NKAIN2: variants seen among roughly 807,000 people sequenced by gnomAD.
NKAIN2 encodes sodium/potassium-transporting ATPase subunit beta-1-interacting protein 2.
Under a neutral mutation model 32.6 loss-of-function variants are expected in NKAIN2, and 14 were observed. That is an observed-to-expected ratio of 0.43 (90% CI 0.28 to 0.67). The LOEUF (loss-of-function observed/expected upper bound fraction) is 0.67. Ranked by LOEUF, NKAIN2 falls within the 30% of genes least tolerant of loss-of-function variation. The pLI is 0.17. For missense variants in NKAIN2, 198 were observed against 258.3 expected (o/e 0.77, Z 1.60); for synonymous variants, 80 against 87.2 (o/e 0.92, Z 0.46).
At chr6:124,365,929 T>G (rs1199176997) in intron 3 of NKAIN2, among the ~76,000 whole-genome samples, 2 of 151,702 alleles carry the variant, frequency 1.3e-5, no homozygotes, top group Non-Finnish European at 2.9e-5. Flanking sequence ...TATTCTGAAC[T>G]CAATAAAAAT....
chr6:124,005,472 T>G (rs1252938108), intron 1 of NKAIN2, among the ~76,000 whole-genome samples: 1 of 152,160 alleles, frequency 6.6e-6, no homozygotes, highest in Non-Finnish European at 1.5e-5. Flanking sequence ...TATATATGTA[T>G]GCCATATGCC....
intron 1 of NKAIN2, among the ~76,000 whole-genome samples, chr6:124,204,985 C>CAA (rs5879719): frequency 2.0e-5 from 3 of 148,252 alleles, no homozygotes; most frequent in African/African-American, 5.0e-5. Flanking sequence ...TAAAAAAAAG[C>CAA]AAAAAAAAAA....
intron 1 of NKAIN2, among the ~76,000 whole-genome samples, chr6:123,866,588 GCC>G (rs1772528478): frequency 6.6e-6 from 1 of 152,024 alleles, no homozygotes; most frequent in Non-Finnish European, 1.5e-5. Flanking sequence ...CCGCCACCAA[GCC>G]CGGCCAATTT....
At chr6:124,782,501 G>A (rs1779316312) in intron 4 of NKAIN2, among the ~76,000 whole-genome samples, 1 of 152,118 alleles carries the variant, frequency 6.6e-6, no homozygotes. Context: ...TCTCTACAGA[G>A]AAATCTGGCC....
At chr6:124,397,120 A>G (rs1244683956) in intron 3 of NKAIN2, among the ~76,000 whole-genome samples, 1 of 152,042 alleles carries the variant, frequency 6.6e-6, no homozygotes, top group African/African-American at 2.4e-5. Context: ...ATAATTATTT[A>G]ATATATCCCT....
chr6:124,291,044 C>G (rs1411593770), intron 2 of NKAIN2, among the ~76,000 whole-genome samples: 1 of 152,130 alleles, frequency 6.6e-6, no homozygotes, highest in Non-Finnish European at 1.5e-5. Flanking sequence ...CTACAAACAA[C>G]TTCCTGAAAA....
At chr6:124,287,451 T>C (rs1795606397) in intron 2 of NKAIN2, among the ~76,000 whole-genome samples, 1 of 152,152 alleles carries the variant, frequency 6.6e-6, no homozygotes, top group Non-Finnish European at 1.5e-5. Context: ...TTTTTCATAG[T>C]AGCAAAGAAA....
At chr6:124,226,205 T>A (rs1047864165) in intron 1 of NKAIN2, among the ~76,000 whole-genome samples, 1 of 152,190 alleles carries the variant, frequency 6.6e-6, no homozygotes, top group East Asian at 1.9e-4. Context: ...TTAAAAAAAA[T>A]TACTTTTATG....
intron 1 of NKAIN2, among the ~76,000 whole-genome samples, chr6:124,076,379 C>T (rs1026836592): frequency 6.6e-6 from 1 of 152,126 alleles, no homozygotes; most frequent in Non-Finnish European, 1.5e-5. Flanking sequence ...AGGTGATTGA[C>T]GTTCCCCAAG....
chr6:124,787,233 C>T (rs770752473), intron 4 of NKAIN2, among the ~76,000 whole-genome samples: 1 of 151,924 alleles, frequency 6.6e-6, no homozygotes, highest in Non-Finnish European at 1.5e-5. Context: ...AGCTTAATAC[C>T]GGGAGATGAA....
At chr6:124,176,786 A>T (rs895215917) in intron 1 of NKAIN2, among the ~76,000 whole-genome samples, 4 of 152,134 alleles carry the variant, frequency 2.6e-5, no homozygotes, top group Non-Finnish European at 4.4e-5. Context: ...CTATTTTATT[A>T]TTAGTGAGGT....
At chr6:124,601,453 T>C (rs1050519728) in intron 3 of NKAIN2, among the ~76,000 whole-genome samples, 1 of 152,046 alleles carries the variant, frequency 6.6e-6, no homozygotes, top group Admixed American at 6.6e-5. Context: ...TTTATCTTAA[T>C]ACTCTTAGAA....
chr6:123,955,859 C>T (rs551402587), intron 1 of NKAIN2, among the ~76,000 whole-genome samples: 1 of 152,170 alleles, frequency 6.6e-6, no homozygotes, highest in Non-Finnish European at 1.5e-5. Flanking sequence ...AATTCCTGAC[C>T]TCCAGCAGTC....
At chr6:124,494,467 G>T (rs529678670) in intron 3 of NKAIN2, among the ~76,000 whole-genome samples, 1 of 152,010 alleles carries the variant, frequency 6.6e-6, no homozygotes, top group African/African-American at 2.4e-5. Flanking sequence ...AGAATAATTG[G>T]CTTTTATCAA....
At chr6:123,974,306 G>GTTC (rs35849082) in intron 1 of NKAIN2, among the ~76,000 whole-genome samples, 49,373 of 151,762 alleles carry the variant, frequency 0.33, 8,148 homozygotes, top group South Asian at 0.47. Context: ...CAAGAAATAA[G>GTTC]TTCTTTTTGA....
chr6:124,382,607 T>C (rs530390906), intron 3 of NKAIN2, among the ~76,000 whole-genome samples: 1 of 152,270 alleles, frequency 6.6e-6, no homozygotes, highest in East Asian at 1.9e-4. Context: ...GGAAGTTTGG[T>C]GGAGCTGTGA....
intron 2 of NKAIN2, among the ~76,000 whole-genome samples, chr6:124,345,286 A>C (rs908739308): frequency 1.3e-5 from 2 of 152,148 alleles, no homozygotes. Context: ...ATATTGGTCT[A>C]AAATTCTCTT....
intron 1 of NKAIN2, among the ~76,000 whole-genome samples, chr6:123,947,337 A>G (rs2114572546): frequency 6.6e-6 from 1 of 152,284 alleles, no homozygotes; most frequent in South Asian, 2.1e-4. Context: ...ACAAAAAGCC[A>G]GGCTATGTGA....
intron 1 of NKAIN2, among the ~76,000 whole-genome samples, chr6:124,123,826 G>T (rs1457525864): frequency 1.3e-5 from 2 of 152,014 alleles, no homozygotes; most frequent in Non-Finnish European, 2.9e-5. Context: ...ACTCAAAACT[G>T]CAAGGAGATA....
Sources: gnomAD v4.1 joint callset for allele counts (sites outside exome capture counted in the v4.1 genomes callset) on GRCh38, gnomAD v4.1.1 for gene constraint, MANE v1.5 for transcripts, NCBI Gene and HGNC (gene_info 2026-07-23, HGNC 2026-07-21) for gene names.